NR3C2: variants seen among roughly 807,000 people sequenced by gnomAD.
NR3C2 encodes the protein nuclear receptor subfamily 3 group C member 2.
In NR3C2, 15 loss-of-function variants were observed where a neutral mutation model predicts 86.4. The observed-to-expected ratio is 0.17, with a 90% confidence interval of 0.12 to 0.27. The LOEUF (loss-of-function observed/expected upper bound fraction) is 0.27. Ranked by LOEUF, NR3C2 falls within the 10% of genes least tolerant of loss-of-function variation. The pLI is 1.00. For synonymous variants in NR3C2, 458 were observed against 450.5 expected (o/e 1.02, Z -0.21); for missense variants, 960 against 1,195.6 (o/e 0.80, Z 2.91).
intron 2 of NR3C2, among the ~76,000 whole-genome samples, chr4:148,429,273 T>C (rs1210132392): frequency 6.6e-6 from 1 of 152,204 alleles, no homozygotes; most frequent in Non-Finnish European, 1.5e-5. Flanking sequence ...TTTCATATAT[T>C]TATCTCAAAA....
At chr4:148,222,130 A>T (rs1310488484) in intron 3 of NR3C2, among the ~76,000 whole-genome samples, 1 of 152,140 alleles carries the variant, frequency 6.6e-6, no homozygotes, top group Non-Finnish European at 1.5e-5. Flanking sequence ...CACTGATACT[A>T]AATTGGATTT....
Position 148,079,249 on chromosome 4 carries a change from T to C in NR3C2, c.*2095A>G, listed in dbSNP as rs1273654886. The C allele has an allele frequency of 6.6e-6, 1 of 152,282 alleles. No homozygotes were observed. The highest frequency in any genetic ancestry group is 1.5e-5 in the Non-Finnish European group (1 of 68,054). The allele number at this position is 152,282 out of a possible 1,614,324, so 9.4% of individuals were successfully genotyped here. ...CTTCAAAGTGTGGCTTTCATATTACTGTGCACCGTAAGTTGACTGTATTTA... is the reference window on the plus strand; with the variant it reads ...CTTCAAAGTGTGGCTTTCATATTACCGTGCACCGTAAGTTGACTGTATTTA... On this transcript the variant is annotated 3_prime_UTR_variant, in exon 9 of 9. Coordinates refer to ENST00000358102, the MANE Select transcript of NR3C2 (RefSeq NM_000901.5).
intron 2 of NR3C2, among the ~76,000 whole-genome samples, chr4:148,294,553 T>C (rs1193333379): frequency 1.3e-5 from 2 of 151,136 alleles, no homozygotes; most frequent in African/African-American, 2.4e-5. Context: ...CAGTTTTTTT[T>C]CCTATTTTCT....
intron 7 of NR3C2, 136 bp from the exon 8 acceptor site, chr4:148,114,397 C>A: frequency 1.1e-6 from 1 of 918,904 alleles, no homozygotes; most frequent in South Asian, 1.5e-5. Flanking sequence ...AATATGGCAG[C>A]TGTCTACTGG....
chr4:148,393,358 C>T (rs1158501910), intron 2 of NR3C2, among the ~76,000 whole-genome samples: 1 of 152,190 alleles, frequency 6.6e-6, no homozygotes, highest in Non-Finnish European at 1.5e-5. Flanking sequence ...AATGCTTACA[C>T]CCAAACTGCG....
intron 3 of NR3C2, among the ~76,000 whole-genome samples, chr4:148,216,047 C>G (rs2149821706): frequency 6.6e-6 from 1 of 152,150 alleles, no homozygotes; most frequent in East Asian, 1.9e-4. Context: ...CTTGGCCTCC[C>G]AAAGTGTGAG....
chr4:148,278,312 C>T (rs1008655512), intron 2 of NR3C2, among the ~76,000 whole-genome samples: 2 of 152,098 alleles, frequency 1.3e-5, no homozygotes, highest in Non-Finnish European at 2.9e-5. Context: ...TTTACCCAGA[C>T]TGGTCTCGAA....
At chr4:148,162,473 CAT>C (rs1388796474) in intron 4 of NR3C2, among the ~76,000 whole-genome samples, 5 of 152,052 alleles carry the variant, frequency 3.3e-5, no homozygotes, top group Non-Finnish European at 7.4e-5. Flanking sequence ...GGTGAGACAA[CAT>C]GTCTTCGAGG....
intron 2 of NR3C2, among the ~76,000 whole-genome samples, chr4:148,387,338 G>A (rs768699188): frequency 1.3e-4 from 20 of 152,138 alleles, no homozygotes; most frequent in Non-Finnish European, 2.8e-4. Flanking sequence ...CAGATCCAAC[G>A]ACATTACAAA....
At chr4:148,323,728 C>G (rs1312863524) in intron 2 of NR3C2, among the ~76,000 whole-genome samples, 1 of 152,158 alleles carries the variant, frequency 6.6e-6, no homozygotes, top group East Asian at 1.9e-4. Flanking sequence ...ATGCCTCGCC[C>G]TGCTTCGGCT....
intron 2 of NR3C2, among the ~76,000 whole-genome samples, chr4:148,338,151 A>T (rs1184756476): frequency 1.3e-5 from 2 of 152,232 alleles, no homozygotes; most frequent in Non-Finnish European, 2.9e-5. Flanking sequence ...ATTTAGGAAT[A>T]GGATTTGTTC....
intron 2 of NR3C2, among the ~76,000 whole-genome samples, chr4:148,390,041 C>T (rs1007544372): frequency 2.6e-5 from 4 of 151,452 alleles, no homozygotes; most frequent in South Asian, 4.2e-4. Context: ...AAAACATAGA[C>T]TGGAGAGGGA....
chr4:148,285,891 T>C (rs970155906), intron 2 of NR3C2, among the ~76,000 whole-genome samples: 3 of 152,228 alleles, frequency 2.0e-5, no homozygotes, highest in African/African-American at 7.2e-5. Context: ...ACATATGTGA[T>C]ACATTATAAA....
intron 4 of NR3C2, among the ~76,000 whole-genome samples, chr4:148,193,346 C>A (rs10018805): frequency 0.052 from 7,903 of 152,270 alleles, 397 homozygotes; most frequent in African/African-American, 0.13. Flanking sequence ...CCCAGGTCCT[C>A]CGGGAGCAGT....
At chr4:148,443,543 C>G (rs1249735865), upstream of NR3C2, among the ~76,000 whole-genome samples, 1 of 149,260 alleles carries the variant, frequency 6.7e-6, no homozygotes, top group South Asian at 2.2e-4. Flanking sequence ...CCTCGATTCT[C>G]CTCCCGCCCA....
chr4:148,172,951 G>A (rs1047481254), intron 4 of NR3C2, among the ~76,000 whole-genome samples: 4 of 152,212 alleles, frequency 2.6e-5, no homozygotes, highest in African/African-American at 9.6e-5. Context: ...AAAAGGGAAT[G>A]AAAGCTTTCC....
chr4:148,209,659 G>GA (rs767057612), intron 3 of NR3C2, among the ~76,000 whole-genome samples: 3 of 152,112 alleles, frequency 2.0e-5, no homozygotes, highest in Non-Finnish European at 4.4e-5. Flanking sequence ...TCGTAAAAGA[G>GA]AAAGACTCAT....
intron 4 of NR3C2, among the ~76,000 whole-genome samples, chr4:148,187,970 A>AT (rs1736012997): frequency 6.6e-6 from 1 of 151,878 alleles, no homozygotes; most frequent in Non-Finnish European, 1.5e-5. Flanking sequence ...CATTTGTTGA[A>AT]ATGTCCTTTC....
chr4:148,151,446 G>A (rs1178323516), intron 6 of NR3C2, among the ~76,000 whole-genome samples: 1 of 152,130 alleles, frequency 6.6e-6, no homozygotes, highest in Non-Finnish European at 1.5e-5. Flanking sequence ...TGCAGTACTA[G>A]AATTACTCTT....
Sources: allele counts gnomAD v4.1 joint callset (sites outside exome capture counted in the v4.1 genomes callset), GRCh38; gene constraint gnomAD v4.1.1; transcripts MANE v1.5; gene names NCBI Gene and HGNC (gene_info 2026-07-23, HGNC 2026-07-21).